CCDC192: variants seen among roughly 807,000 people sequenced by gnomAD.
The protein encoded by CCDC192 is coiled-coil domain containing 192, also known as coiled-coil domain-containing protein 192.
At chr5:127,898,638 G>C (rs1752959672) in intron 6 of CCDC192, among the ~76,000 whole-genome samples, 1 of 152,140 alleles carries the variant, frequency 6.6e-6, no homozygotes, top group South Asian at 2.1e-4. Context: ...AACAGAGCAT[G>C]CAAGAAGGTT....
chr5:127,723,868 C>G (rs1424501312), intron 2 of CCDC192, among the ~76,000 whole-genome samples: 5 of 152,052 alleles, frequency 3.3e-5, no homozygotes, highest in African/African-American at 1.2e-4. Context: ...AAATAATAGC[C>G]CCAGGTCTTC....
At chr5:127,785,147 A>G (rs1480410993) in intron 3 of CCDC192, 1 of 525,266 alleles carries the variant, frequency 1.9e-6, no homozygotes, top group Admixed American at 2.0e-5. Context: ...TGCAAAGTAT[A>G]TCTGTTTGTA....
intron 1 of CCDC192, among the ~76,000 whole-genome samples, chr5:127,706,669 G>A (rs2126769661): frequency 6.6e-6 from 1 of 152,154 alleles, no homozygotes; most frequent in African/African-American, 2.4e-5. Context: ...TCAAGATGCT[G>A]AGGGTAAAGT....
chr5:127,786,256 T>C, intron 3 of CCDC192: 1 of 673,896 alleles, frequency 1.5e-6, no homozygotes, highest in Non-Finnish European at 2.7e-6. Context: ...CACACAAGCC[T>C]CTGCCTTATT....
At chr5:127,756,406 G>C (rs1754596738) in intron 3 of CCDC192, among the ~76,000 whole-genome samples, 2 of 152,178 alleles carry the variant, frequency 1.3e-5, no homozygotes, top group Admixed American at 1.3e-4. Context: ...AGGGGCCCGG[G>C]AAGTGGGGAG....
chr5:127,775,526 G>A (rs1755807599), intron 3 of CCDC192, among the ~76,000 whole-genome samples: 1 of 152,156 alleles, frequency 6.6e-6, no homozygotes. Flanking sequence ...CTCCTCTTGG[G>A]AACTGAGTGA....
chr5:127,869,948 A>G (rs1473398149), intron 5 of CCDC192, among the ~76,000 whole-genome samples: 4 of 152,222 alleles, frequency 2.6e-5, no homozygotes, highest in Admixed American at 2.0e-4. Context: ...TTGGCTATCA[A>G]GCACCTACCA....
At chr5:127,709,202 G>GGAGAGAGAGAGAGA (rs201676720) in intron 2 of CCDC192, among the ~76,000 whole-genome samples, 19 of 85,766 alleles carry the variant, frequency 2.2e-4, no homozygotes, top group South Asian at 1.2e-3. Flanking sequence ...GGAGAGAGGG[G>GGAGAGAGAGAGAGA]GAGAGAGAGA....
At chr5:127,939,010 A>G (rs747765988) in intron 6 of CCDC192, among the ~76,000 whole-genome samples, 1 of 152,188 alleles carries the variant, frequency 6.6e-6, no homozygotes, top group Non-Finnish European at 1.5e-5. Context: ...TGGGCTGGAA[A>G]GCACAGGCTT....
At chr5:127,895,139 G>A (rs545162705) in intron 6 of CCDC192, among the ~76,000 whole-genome samples, 1 of 152,208 alleles carries the variant, frequency 6.6e-6, no homozygotes, top group African/African-American at 2.4e-5. Flanking sequence ...TCTTCCTGAT[G>A]GTCTCCCTCC....
At chr5:127,885,688 A>G (rs1489098319) in intron 6 of CCDC192, among the ~76,000 whole-genome samples, 1 of 152,210 alleles carries the variant, frequency 6.6e-6, no homozygotes, top group Non-Finnish European at 1.5e-5. Flanking sequence ...AAATTTAGAA[A>G]GGATGCACAA....
chr5:127,893,643 T>A (rs549387065), intron 6 of CCDC192, among the ~76,000 whole-genome samples: 19 of 152,304 alleles, frequency 1.2e-4, no homozygotes, highest in African/African-American at 4.1e-4. Context: ...TACTAACTTG[T>A]CCAGAACATC....
intron 6 of CCDC192, among the ~76,000 whole-genome samples, chr5:127,919,371 A>T (rs1753640277): frequency 6.6e-6 from 1 of 152,164 alleles, no homozygotes; most frequent in Admixed American, 6.5e-5. Flanking sequence ...CTTGAACAAA[A>T]TATGTACTTA....
rs115024744 is a variant in CCDC192, at chr5:127,889,079, A to G, written c.535+13418A>G. ...ATAAAGTACCTTAATTTATTCATCA[A>G]TAAAGCACTACCAAGATGCTAAGAA... On this transcript the variant is annotated intron_variant, in intron 6 of 6. Transcript: ENST00000514853. 5.5e-3 allele frequency among the ~76,000 whole-genome samples: 843 copies of G among 152,368 alleles called. 7 individuals are homozygous for G. The highest frequency in any genetic ancestry group is 0.017 in the African/African-American group (707 of 41,592).
intron 5 of CCDC192, among the ~76,000 whole-genome samples, chr5:127,847,899 C>T (rs938220462): frequency 2.0e-5 from 3 of 151,946 alleles, no homozygotes; most frequent in African/African-American, 4.8e-5. Flanking sequence ...TGGATTCAAG[C>T]GATTCTACTG....
chr5:127,835,490 G>A, intron 5 of CCDC192, among the ~76,000 whole-genome samples: 1 of 152,178 alleles, frequency 6.6e-6, no homozygotes, highest in East Asian at 1.9e-4. Context: ...GTTTAATGGT[G>A]ATTCTGGAAA....
chr5:127,858,913 T>A (rs1751230092), intron 5 of CCDC192, among the ~76,000 whole-genome samples: 1 of 149,684 alleles, frequency 6.7e-6, no homozygotes, highest in Admixed American at 6.8e-5. Flanking sequence ...GGGGCTCAAA[T>A]TATTTGACAC....
chr5:127,728,658 C>A (rs1752468571), intron 2 of CCDC192, among the ~76,000 whole-genome samples: 1 of 152,138 alleles, frequency 6.6e-6, no homozygotes, highest in African/African-American at 2.4e-5. Flanking sequence ...AAATAACCAG[C>A]TAGCATAATG....
At chr5:127,885,374 C>T (rs1752526220) in intron 6 of CCDC192, among the ~76,000 whole-genome samples, 1 of 152,180 alleles carries the variant, frequency 6.6e-6, no homozygotes, top group South Asian at 2.1e-4. Context: ...ACTCCTTTGT[C>T]AAACATCAGC....
Sources: allele counts gnomAD v4.1 joint callset (sites outside exome capture counted in the v4.1 genomes callset), GRCh38; gene constraint gnomAD v4.1.1; transcripts MANE v1.5; gene names NCBI Gene and HGNC (gene_info 2026-07-23, HGNC 2026-07-21).